Variants in PCDH11X observed in about 807,000 individuals in gnomAD.
The protein encoded by PCDH11X is protocadherin-11 X-linked.
PCDH11X carries 18 observed loss-of-function variants against 53.3 expected under a neutral mutation model. That is an observed-to-expected ratio of 0.34 (90% confidence interval 0.23 to 0.50). PCDH11X has a LOEUF of 0.50. Among genes scored for constraint, PCDH11X ranks in the 20% least tolerant of loss-of-function variants. PCDH11X has a pLI of 0.98. For synonymous variants in PCDH11X, 279 were observed against 393.3 expected, an observed-to-expected ratio of 0.71 and a Z score of 3.44; for missense variants, 570 against 1,032.4, an observed-to-expected ratio of 0.55 and a Z score of 6.14.
intron 6 of PCDH11X, among the ~76,000 whole-genome samples, chrX:91,975,762 G>A (rs1211473964): frequency 3.6e-5 from 4 of 110,973 alleles, no homozygotes; most frequent in Non-Finnish European, 7.5e-5. Flanking sequence ...CATCAAGTAA[G>A]ATGAGGAAAT....
At chrX:91,805,608 G>A (rs1477451115) in intron 1 of PCDH11X, among the ~76,000 whole-genome samples, 1 of 110,371 alleles carries the variant, frequency 9.1e-6, no homozygotes, top group African/African-American at 3.3e-5. Flanking sequence ...TTGAGCTCAG[G>A]AGTTCCAGAC....
At chrX:91,974,147 C>G (rs878948661) in intron 6 of PCDH11X, among the ~76,000 whole-genome samples, 1 of 111,138 alleles carries the variant, frequency 9.0e-6, no homozygotes, top group Non-Finnish European at 1.9e-5. Flanking sequence ...GTATATCAGT[C>G]TCAGCCAGTT....
At chrX:92,130,221 A>G (rs1321752965) in intron 6 of PCDH11X, among the ~76,000 whole-genome samples, 1 of 111,458 alleles carries the variant, frequency 9.0e-6, no homozygotes, top group Non-Finnish European at 1.9e-5. Context: ...ATTGTAAAGC[A>G]TTTCACTTAT....
At chrX:92,442,294 T>G (rs773536209) in intron 9 of PCDH11X, among the ~76,000 whole-genome samples, 1 of 109,868 alleles carries the variant, frequency 9.1e-6, no homozygotes, top group African/African-American at 3.3e-5. Flanking sequence ...TATGAGGACA[T>G]GAGATTTGAG....
At chrX:92,020,149 AG>A (rs968401273) in intron 6 of PCDH11X, among the ~76,000 whole-genome samples, 6 of 112,784 alleles carry the variant, frequency 5.3e-5, no homozygotes, top group African/African-American at 1.9e-4. Flanking sequence ...AAAGCCACTC[AG>A]CACAAAATGG....
intron 8 of PCDH11X, among the ~76,000 whole-genome samples, chrX:92,318,939 AAACT>A (rs2069138419): frequency 8.9e-6 from 1 of 111,999 alleles, no homozygotes; most frequent in African/African-American, 3.2e-5. Context: ...TTATTTGTTT[AAACT>A]AACTATGACT....
chrX:92,386,836 A>G (rs5984947), intron 8 of PCDH11X, among the ~76,000 whole-genome samples: 3,143 of 103,657 alleles, frequency 0.03, 131 homozygotes, highest in African/African-American at 0.093. Flanking sequence ...TGAGTTTTCC[A>G]AGGGTGCAAA....
At chrX:91,953,068 G>A (rs1360561902) in intron 6 of PCDH11X, among the ~76,000 whole-genome samples, 3 of 110,597 alleles carry the variant, frequency 2.7e-5, no homozygotes, top group Non-Finnish European at 5.7e-5. Context: ...TAGGGAGTGT[G>A]AGGGAGGTGG....
At chrX:92,160,237 G>T (rs2065617157) in intron 6 of PCDH11X, among the ~76,000 whole-genome samples, 1 of 108,067 alleles carries the variant, frequency 9.3e-6, no homozygotes, top group South Asian at 4.1e-4. Flanking sequence ...GTGGGGATTT[G>T]TTAGATTTTT....
At chrX:92,511,012 A>G (rs2074152104) in intron 10 of PCDH11X, among the ~76,000 whole-genome samples, 1 of 111,302 alleles carries the variant, frequency 9.0e-6, no homozygotes, top group African/African-American at 3.3e-5. Context: ...TGGTGGTGCT[A>G]TAGCACCTAT....
intron 9 of PCDH11X, among the ~76,000 whole-genome samples, chrX:92,440,645 G>A (rs747828982): frequency 9.0e-6 from 1 of 111,145 alleles, no homozygotes; most frequent in South Asian, 3.9e-4. Context: ...CTTCTGCCAC[G>A]ATTGTGAGGC....
intron 10 of PCDH11X, among the ~76,000 whole-genome samples, chrX:92,551,274 C>A (rs2074949633): frequency 9.0e-6 from 1 of 111,421 alleles, no homozygotes; most frequent in South Asian, 3.7e-4. Context: ...TGGATAAAAG[C>A]CAATTTAACT....
intron 6 of PCDH11X, among the ~76,000 whole-genome samples, chrX:92,146,341 G>A (rs1251180120): frequency 9.0e-6 from 1 of 110,990 alleles, no homozygotes; most frequent in Non-Finnish European, 1.9e-5. Flanking sequence ...CTTTTGGGGG[G>A]TGGGGGTGAG....
chrX:92,258,431 G>A (rs1018387640), intron 7 of PCDH11X, among the ~76,000 whole-genome samples: 92 of 103,785 alleles, frequency 8.9e-4, no homozygotes, highest in Admixed American at 6.5e-3. Context: ...GCAGTGGCTC[G>A]ATCTCGGCTC....
At chrX:92,109,229 G>A (rs1028686420) in intron 6 of PCDH11X, among the ~76,000 whole-genome samples, 1 of 110,902 alleles carries the variant, frequency 9.0e-6, no homozygotes, top group Non-Finnish European at 1.9e-5. Flanking sequence ...AAATTAGCTG[G>A]GCGTGGTGGC....
chrX:92,239,889 C>T (rs942130556), intron 7 of PCDH11X, among the ~76,000 whole-genome samples: 1 of 111,958 alleles, frequency 8.9e-6, no homozygotes, highest in Non-Finnish European at 1.9e-5. Flanking sequence ...CTATATTGCT[C>T]ACCCTTTTAG....
In PCDH11X at chrX:92,559,513, A is replaced by G. The variant is rs771014574; in HGVS notation, c.3368-58751A>G. Among the ~76,000 whole-genome samples, 215 of 111,012 alleles carry G rather than the reference A, an allele frequency of 1.9e-3. 1 individual carries two copies. The highest frequency in any genetic ancestry group is 6.9e-3 in the African/African-American group (210 of 30,531). On this transcript the variant is annotated intron_variant, in intron 10 of 10. Transcript: ENST00000682573. ...AAATTTAAGTGAGCAATCATAGTACATGGTTTTAATATCATATCATTAAAA... is the reference window on the plus strand; with the variant it reads ...AAATTTAAGTGAGCAATCATAGTACGTGGTTTTAATATCATATCATTAAAA...
intron 7 of PCDH11X, among the ~76,000 whole-genome samples, chrX:92,226,925 G>T (rs1275925483): frequency 1.8e-5 from 2 of 111,806 alleles, no homozygotes; most frequent in African/African-American, 3.3e-5. Context: ...TGTTTACTTG[G>T]TTTGTTTTTT....
At chrX:91,946,928 T>C (rs1217422015) in intron 6 of PCDH11X, among the ~76,000 whole-genome samples, 3 of 107,011 alleles carry the variant, frequency 2.8e-5, no homozygotes, top group African/African-American at 6.8e-5. Context: ...CTTGCCTGGT[T>C]ACATGCTTCA....
Sources: gnomAD v4.1 joint callset for allele counts (sites outside exome capture counted in the v4.1 genomes callset) on GRCh38, gnomAD v4.1.1 for gene constraint, MANE v1.5 for transcripts, NCBI Gene and HGNC (gene_info 2026-07-23, HGNC 2026-07-21) for gene names.